Variants in CACHD1 observed in about 807,000 individuals in gnomAD.
The protein encoded by CACHD1 is cache domain containing 1.
Under a neutral mutation model 138.7 loss-of-function variants are expected in CACHD1, and 71 were observed. The ratio of observed to expected loss-of-function variants is 0.51; its 90% CI spans 0.42 to 0.62. The LOEUF is 0.62. CACHD1 is among the 20% of genes least tolerant of loss of function. The pLI, the probability that CACHD1 is intolerant of heterozygous loss-of-function variation, is 0.00. For synonymous variants in CACHD1, 578 were observed against 591.5 expected (o/e 0.98, Z 0.33); for missense variants, 1,389 against 1,625.3 (o/e 0.85, Z 2.50).
chr1:64,470,982 C>T lies in CACHD1; in HGVS notation c.198+40C>T, dbSNP rs1646140370. On this transcript the variant is annotated intron_variant, in intron 1 of 26. Transcript: ENST00000651257. The surrounding 1 kb of genome is among the most constrained non-coding windows in gnomAD (Gnocchi z 5.2). ...AGCTGGCCAGACATCCCGCCTTTCT[C>T]CTTTGCTCAAACTCCCATCCCACTC... The T allele has an allele frequency of 6.5e-7, 1 of 1,542,344 alleles. No homozygotes were observed. Among genetic ancestry groups the T allele is most frequent in the African/African-American group, 1.4e-5 (1 of 72,796 alleles).
At chr1:64,609,020 G>A (rs1023769106) in intron 4 of CACHD1, among the ~76,000 whole-genome samples, 8 of 152,268 alleles carry the variant, frequency 5.3e-5, no homozygotes, top group East Asian at 3.9e-4. Context: ...ATTGAGAAAC[G>A]GGATTCACGG....
intron 26 of CACHD1, 73 bp downstream of exon 26, chr1:64,682,179 A>G (rs975116581): frequency 5.9e-6 from 8 of 1,346,808 alleles, no homozygotes; most frequent in African/African-American, 4.3e-5. Flanking sequence ...CTCACACCCT[A>G]TTTTGACATG....
intron 3 of CACHD1, among the ~76,000 whole-genome samples, chr1:64,585,127 C>T (rs2100544567): frequency 6.6e-6 from 1 of 152,266 alleles, no homozygotes; most frequent in African/African-American, 2.4e-5. Flanking sequence ...AATTGTATCA[C>T]ATCCATATAT....
At chr1:64,588,237 T>TA (rs1358549721) in intron 3 of CACHD1, among the ~76,000 whole-genome samples, 1 of 152,160 alleles carries the variant, frequency 6.6e-6, no homozygotes, top group African/African-American at 2.4e-5. Context: ...TATGCCAACT[T>TA]AAAAATGTCC....
At chr1:64,545,689 G>C (rs1409118996) in intron 1 of CACHD1, among the ~76,000 whole-genome samples, 1 of 152,126 alleles carries the variant, frequency 6.6e-6, no homozygotes, top group Non-Finnish European at 1.5e-5. Flanking sequence ...CTTGTCTTTT[G>C]ATGAACACAC....
intron 1 of CACHD1, among the ~76,000 whole-genome samples, chr1:64,549,575 G>T (rs1221111023): frequency 6.6e-6 from 1 of 152,104 alleles, no homozygotes; most frequent in African/African-American, 2.4e-5. Flanking sequence ...GATGTACATT[G>T]CATGATGAAC....
intron 1 of CACHD1, among the ~76,000 whole-genome samples, chr1:64,480,247 T>C (rs1031832256): frequency 2.6e-5 from 4 of 152,196 alleles, no homozygotes; most frequent in African/African-American, 9.7e-5. Flanking sequence ...TTACAGAAAC[T>C]GAGGCCCAGC....
intron 1 of CACHD1, among the ~76,000 whole-genome samples, chr1:64,513,467 A>T (rs305567): frequency 0.079 from 11,954 of 152,268 alleles, 563 homozygotes; most frequent in East Asian, 0.16. Flanking sequence ...TGCGAATGCC[A>T]TGGAGAAAAG....
intron 1 of CACHD1, among the ~76,000 whole-genome samples, chr1:64,486,726 ACTT>A (rs1196903317): frequency 6.6e-6 from 1 of 152,224 alleles, no homozygotes; most frequent in Non-Finnish European, 1.5e-5. Flanking sequence ...TGTAGATTGA[ACTT>A]CTGTTATGCA....
chr1:64,543,322 A>G (rs1282714381), intron 1 of CACHD1, among the ~76,000 whole-genome samples: 13 of 150,458 alleles, frequency 8.6e-5, no homozygotes, highest in Admixed American at 3.3e-4. Flanking sequence ...TTGGGAGGCC[A>G]AGGTGGGAAG....
chr1:64,571,213 A>C (rs1214252671), intron 2 of CACHD1, among the ~76,000 whole-genome samples: 1 of 152,236 alleles, frequency 6.6e-6, no homozygotes. Flanking sequence ...TCAAACATTC[A>C]TAAGATGCTT....
intron 1 of CACHD1, among the ~76,000 whole-genome samples, chr1:64,530,941 T>C (rs1646580108): frequency 6.7e-6 from 1 of 149,496 alleles, no homozygotes; most frequent in African/African-American, 2.4e-5. Context: ...TTGTTTTTTT[T>C]TTTTTTAGAA....
intron 1 of CACHD1, among the ~76,000 whole-genome samples, chr1:64,497,189 C>T (rs1340754672): frequency 6.6e-6 from 1 of 152,166 alleles, no homozygotes; most frequent in Non-Finnish European, 1.5e-5. Flanking sequence ...GAAGGCAGAG[C>T]TTTTTTCTTT....
At chr1:64,620,217 G>A (rs1419745063) in intron 4 of CACHD1, among the ~76,000 whole-genome samples, 2 of 151,954 alleles carry the variant, frequency 1.3e-5, no homozygotes, top group Non-Finnish European at 2.9e-5. Flanking sequence ...GTGAACTTTT[G>A]TTAATATAAA....
intron 1 of CACHD1, among the ~76,000 whole-genome samples, chr1:64,484,892 G>T (rs72919012): frequency 0.013 from 1,936 of 152,312 alleles, 31 homozygotes; most frequent in African/African-American, 0.044. Context: ...TGGACACTTG[G>T]CTTGCTTCCA....
chr1:64,475,527 T>C (rs1646169828), intron 1 of CACHD1, among the ~76,000 whole-genome samples: 1 of 151,816 alleles, frequency 6.6e-6, no homozygotes, highest in Admixed American at 6.6e-5. Context: ...CTATGAAGGG[T>C]CTTGGGTTAG....
At chr1:64,654,262 T>A (rs1649193885) in intron 11 of CACHD1, among the ~76,000 whole-genome samples, 1 of 152,230 alleles carries the variant, frequency 6.6e-6, no homozygotes, top group African/African-American at 2.4e-5. Flanking sequence ...AAAAATAGCC[T>A]GGCAAAGTAG....
rs755785537 is a variant in CACHD1, at chr1:64,664,518, A to G, written c.2115A>G (p.Val705=). Residue 705 remains valine (V), a synonymous_variant, in exon 15 of 27, where the codon GTA becomes GTG. Coordinates refer to ENST00000651257, the MANE Select transcript of CACHD1 (RefSeq NM_020925.4). ...CCCAGTTCTCTGTCAGAAATGAAGT[A>G]ATGGCTACCAGCCACGTCACAGATG... The part of the protein sequence containing the change: ...PGLKFSVRNE[V]MATSHVTDEW... The G allele has an allele frequency of 1.4e-5, 23 of 1,614,044 alleles. No individual in the cohort carries two copies. Among genetic ancestry groups the G allele is most frequent in the Non-Finnish European group, 1.9e-5 (22 of 1,179,996 alleles).
At chr1:64,569,527 G>A (rs1646909605) in intron 2 of CACHD1, among the ~76,000 whole-genome samples, 1 of 152,094 alleles carries the variant, frequency 6.6e-6, no homozygotes, top group Admixed American at 6.5e-5. Context: ...TTCTTTAGGG[G>A]GAATGGGTGT....
Sources: allele counts gnomAD v4.1 joint callset (sites outside exome capture counted in the v4.1 genomes callset), GRCh38; gene constraint gnomAD v4.1.1; non-coding constraint Gnocchi (gnomAD v3.1); transcripts MANE v1.5; gene names NCBI Gene and HGNC (gene_info 2026-07-23, HGNC 2026-07-21).